Variants in SPDYE10 observed in about 807,000 individuals in gnomAD.
The protein encoded by SPDYE10 is speedy protein E10.
chr7:73,141,039 G>C, the SPDYE10 span, among the ~76,000 whole-genome samples: 1 of 145,748 alleles, frequency 6.9e-6, no homozygotes, highest in Non-Finnish European at 1.5e-5. Flanking sequence ...TTTGAGACCA[G>C]CCTGGGCAAC....
the SPDYE10 span, among the ~76,000 whole-genome samples, chr7:73,142,932 CA>C: frequency 1.5e-4 from 16 of 107,312 alleles, no homozygotes; most frequent in East Asian, 9.8e-4. Flanking sequence ...GACTCTGTCT[CA>C]AAAAAAAAGA....
At chr7:73,135,530 T>A in the SPDYE10 span, among the ~76,000 whole-genome samples, 63 of 119,178 alleles carry the variant, frequency 5.3e-4, 1 homozygote, top group African/African-American at 2.1e-3. Flanking sequence ...CTTTCTTTTC[T>A]TTTTTTTTTT....
the SPDYE10 span, among the ~76,000 whole-genome samples, chr7:73,131,163 G>T: frequency 0.01 from 1,308 of 124,812 alleles, 6 homozygotes; most frequent in Admixed American, 0.023. Context: ...TTGCACCACC[G>T]CACCTCCAAC....
At chr7:73,123,784 T>TCCCC in the SPDYE10 span, among the ~76,000 whole-genome samples, 341 of 143,666 alleles carry the variant, frequency 2.4e-3, 2 homozygotes, top group African/African-American at 8.7e-3. Flanking sequence ...TCTCTCTCTC[T>TCCCC]CTCCCTCTCT....
the SPDYE10 span, among the ~76,000 whole-genome samples, chr7:73,116,827 C>T: frequency 5.3e-5 from 8 of 149,992 alleles, no homozygotes; most frequent in South Asian, 6.3e-4. Context: ...GCATTCCTCC[C>T]GCTTCAGCCT....
chr7:73,138,167 T>C, the SPDYE10 span, among the ~76,000 whole-genome samples: 1 of 152,160 alleles, frequency 6.6e-6, no homozygotes, highest in Admixed American at 6.5e-5. Context: ...GACAAACACC[T>C]ATTTTTAGGT....
chr7:73,139,573 A>G, the SPDYE10 span, among the ~76,000 whole-genome samples: 16 of 147,112 alleles, frequency 1.1e-4, no homozygotes, highest in Non-Finnish European at 1.5e-5. Flanking sequence ...TGTCCACCTC[A>G]GCCTCCCAAA....
At chr7:73,115,006 C>G in the SPDYE10 span, among the ~76,000 whole-genome samples, 2 of 152,162 alleles carry the variant, frequency 1.3e-5, no homozygotes, top group African/African-American at 2.4e-5. Flanking sequence ...AAGCGATTCC[C>G]CCACCTCAGC....
chr7:73,137,569 T>TGAAA, the SPDYE10 span, among the ~76,000 whole-genome samples: 60 of 52,616 alleles, frequency 1.1e-3, no homozygotes, highest in East Asian at 2.5e-3. Flanking sequence ...AAAGAAGAGA[T>TGAAA]GAAAGAAAGA....
chr7:73,114,902 A>ATT, the SPDYE10 span, among the ~76,000 whole-genome samples: 93 of 94,016 alleles, frequency 9.9e-4, no homozygotes, highest in African/African-American at 1.6e-3. Context: ...GGGTCATCTG[A>ATT]TTTTTTTTTT....
the SPDYE10 span, among the ~76,000 whole-genome samples, chr7:73,116,842 A>G: frequency 1.5e-3 from 223 of 148,812 alleles, 4 homozygotes; most frequent in Non-Finnish European, 4.0e-4. Flanking sequence ...CAGCCTCCCA[A>G]AGTGCTGCAA....
chr7:73,143,542 A>C, the SPDYE10 span, among the ~76,000 whole-genome samples: 1 of 149,836 alleles, frequency 6.7e-6, no homozygotes, highest in Admixed American at 6.6e-5. Context: ...AACACCTCCC[A>C]CTTGGCCTCA....
the SPDYE10 span, among the ~76,000 whole-genome samples, chr7:73,135,004 C>T: frequency 2.0e-5 from 3 of 152,308 alleles, no homozygotes; most frequent in African/African-American, 7.2e-5. Context: ...ACTGAGTGGC[C>T]TCTTGTCCTG....
At chr7:73,123,881 T>A in the SPDYE10 span, among the ~76,000 whole-genome samples, 1 of 144,120 alleles carries the variant, frequency 6.9e-6, no homozygotes, top group Non-Finnish European at 1.5e-5. Flanking sequence ...GCCTCAAGAG[T>A]CCCTCTGCTG....
At chr7:73,154,807 A>ACAGCAGCAACAGCAGCAG in the SPDYE10 span, 2 of 208,822 alleles carry the variant, frequency 9.6e-6, no homozygotes, top group African/African-American at 4.9e-5. Context: ...CGCGGCAGCA[A>ACAGCAGCAACAGCAGCAG]CAGCAGCAAC....
the SPDYE10 span, among the ~76,000 whole-genome samples, chr7:73,149,679 C>T: frequency 1.5e-4 from 22 of 149,286 alleles, no homozygotes; most frequent in Non-Finnish European, 2.6e-4. Context: ...CTCAGTTAGA[C>T]AGTCAGATGC....
the SPDYE10 span, among the ~76,000 whole-genome samples, chr7:73,123,992 G>C: frequency 6.6e-6 from 1 of 150,776 alleles, no homozygotes; most frequent in African/African-American, 2.5e-5. Flanking sequence ...TGCCCAGGCT[G>C]GTCTCAAGCA....
the SPDYE10 span, among the ~76,000 whole-genome samples, chr7:73,147,906 A>G: frequency 4.8e-4 from 73 of 151,190 alleles, no homozygotes; most frequent in Non-Finnish European, 7.5e-4. Flanking sequence ...TCCCCGGTTC[A>G]AGCGATTCTC....
At chr7:73,114,083 CGGG>C in the SPDYE10 span, among the ~76,000 whole-genome samples, 1 of 125,782 alleles carries the variant, frequency 8.0e-6, no homozygotes, top group Admixed American at 8.5e-5. Context: ...CTCAGCTACT[CGGG>C]AGGCTGAGGT....
Sources: gnomAD v4.1 joint callset for allele counts (sites outside exome capture counted in the v4.1 genomes callset) on GRCh38, gnomAD v4.1.1 for gene constraint, MANE v1.5 for transcripts, NCBI Gene and HGNC (gene_info 2026-07-23, HGNC 2026-07-21) for gene names.